The following SLC2A2 variants were observed in gnomAD, a reference collection of about 807,000 sequenced individuals.
The protein encoded by SLC2A2 is solute carrier family 2 member 2.
SLC2A2 carries 36 observed loss-of-function variants against 54.5 expected under a neutral mutation model. The ratio of observed to expected loss-of-function variants is 0.66; its 90% CI spans 0.51 to 0.87. The LOEUF is 0.87. Ranked by LOEUF, SLC2A2 falls within the 40% of genes least tolerant of loss-of-function variation. The probability of loss-of-function intolerance (pLI) is 0.00; values close to 1 mark genes in which losing one functional copy is unlikely to be tolerated. For missense variants in SLC2A2, 543 were observed against 624.3 expected, an observed-to-expected ratio of 0.87 and a Z score of 1.39; for synonymous variants, 223 against 219.1, an observed-to-expected ratio of 1.02 and a Z score of -0.16.
intron 1 of SLC2A2, among the ~76,000 whole-genome samples, chr3:171,019,069 GTGTGTGTA>G (rs1277984027): frequency 5.6e-5 from 7 of 125,560 alleles, no homozygotes; most frequent in African/African-American, 2.7e-4. Context: ...GTGTGTGTGT[GTGTGTGTA>G]TATATATATG....
chr3:171,019,129 G>GTGTATATA (rs1429300436), intron 1 of SLC2A2, among the ~76,000 whole-genome samples: 1 of 25,036 alleles, frequency 4.0e-5, no homozygotes, highest in Non-Finnish European at 6.7e-5. Context: ...ATATACGTAT[G>GTGTATATA]TATATATATA....
At chr3:171,026,618 T>C in intron 1 of SLC2A2, 38 bp downstream of exon 1, 1 of 1,597,536 alleles carries the variant, frequency 6.3e-7, no homozygotes, top group Non-Finnish European at 8.6e-7. Flanking sequence ...AACTATCTCC[T>C]GAAAACCAGA....
chr3:170,997,021 A>G lies in SLC2A2; in HGVS notation c.*882T>C. 1 of 178,454 alleles carries G rather than the reference A, an allele frequency of 5.6e-6. No homozygotes were observed. Among genetic ancestry groups the G allele is most frequent in the Non-Finnish European group, 1.2e-5 (1 of 85,826 alleles). The allele number at this position is 178,454 out of a possible 1,614,324, so 11.1% of individuals were successfully genotyped here. On this transcript the variant is annotated 3_prime_UTR_variant, in exon 11 of 11. Transcript: ENST00000314251. ...TTTGATCAAACTTATTAGGAATTTG[A>G]GGTAATATACCAAATGTCTGACTCA... is the stretch of plus-strand genomic sequence containing the variant.
intron 10 of SLC2A2, 22 bp downstream of exon 10, chr3:170,998,170 CT>C (rs755247628): frequency 1.5e-5 from 24 of 1,613,516 alleles, no homozygotes; most frequent in Non-Finnish European, 2.0e-5. Context: ...TTCAGTAAAT[CT>C]GTGGAATATT....
chr3:171,018,412 A>G (rs960631799), intron 2 of SLC2A2, 119 bp downstream of exon 2: 1 of 784,888 alleles, frequency 1.3e-6, no homozygotes. Context: ...CGTACCTGAC[A>G]GGCCAGGATG....
At chr3:171,023,538 G>A (rs1227383820) in intron 1 of SLC2A2, among the ~76,000 whole-genome samples, 2 of 152,158 alleles carry the variant, frequency 1.3e-5, no homozygotes, top group African/African-American at 4.8e-5. Flanking sequence ...ACACGACCAA[G>A]TCTTAATAAG....
rs759047405 is a variant in SLC2A2 at position 171,007,230 on chromosome 3, C to T, written c.530G>A (p.Gly177Asp). 9 of 1,612,150 alleles carry T rather than the reference C, an allele frequency of 5.6e-6. No homozygotes were observed. The highest frequency in any genetic ancestry group is 7.6e-6 in the Non-Finnish European group (9 of 1,178,778). Residue 177 changes from glycine (G) to aspartate (D), a missense_variant, in exon 5 of 11, where the codon GGT becomes GAT. By Grantham distance (94) the Gly-to-Asp change is moderately conservative (BLOSUM62 -1). Around this residue, in one of 3 missense-constraint regions of SLC2A2, gnomAD observed 318 missense variants for 343.8 expected, o/e 0.93. Coordinates refer to ENST00000314251, the MANE Select transcript of SLC2A2 (RefSeq NM_000340.2). ...CCTGAGAGCGGTTGGAGCAATTTCA[C>T]CGATATACATAGGAACCAGGCCTGA... ...LISGLVPMYI[G>D]EIAPTALRGA...
At chr3:171,018,077 C>G (rs1468252281) in intron 2 of SLC2A2, among the ~76,000 whole-genome samples, 1 of 152,060 alleles carries the variant, frequency 6.6e-6, no homozygotes, top group African/African-American at 2.4e-5. Flanking sequence ...TTGAGAGGAT[C>G]CAGCTGGGGA....
At chr3:170,998,966 T>A in intron 9 of SLC2A2, 99 bp downstream of exon 9, 1 of 806,054 alleles carries the variant, frequency 1.2e-6, no homozygotes, top group South Asian at 1.3e-5. Context: ...TAAGTCAGTC[T>A]CAAATATTTT....
In SLC2A2 at chr3:171,014,537, T is replaced by C; in HGVS notation, c.303A>G (p.Val101=). 1 of 1,614,176 alleles carries C rather than the reference T, an allele frequency of 6.2e-7. No homozygotes were observed. Among genetic ancestry groups the C allele is most frequent in the Non-Finnish European group, 8.5e-7 (1 of 1,180,014 alleles). Reference sequence around the variant, plus strand: ...TCATTCCACCAACTGCAAAGCTGGATACAGACAGGGACCAGAGCATGGTGA... The same window carrying C: ...TCATTCCACCAACTGCAAAGCTGGACACAGACAGGGACCAGAGCATGGTGA... The part of the protein sequence containing the change: ...QLITMLWSLS[V]SSFAVGGMTA... Residue 101 remains valine (V), a synonymous_variant, in exon 3 of 11, where the codon GTA becomes GTG. Transcript: ENST00000314251.
intron 1 of SLC2A2, 98 bp downstream of exon 1, chr3:171,026,558 C>T: frequency 1.0e-6 from 1 of 965,402 alleles, no homozygotes; most frequent in Non-Finnish European, 1.7e-6. Flanking sequence ...TCTGTGGTAG[C>T]TACACCCAAC....
intron 8 of SLC2A2, among the ~76,000 whole-genome samples, chr3:171,001,808 C>T (rs996530178): frequency 1.6e-4 from 20 of 127,378 alleles, no homozygotes; most frequent in Non-Finnish European, 3.3e-4. Context: ...ATATAAGAAC[C>T]ATCACTTCTT....
chr3:171,002,915 TTTTC>T (rs1233014960), intron 7 of SLC2A2, among the ~76,000 whole-genome samples: 1 of 152,046 alleles, frequency 6.6e-6, no homozygotes, highest in Non-Finnish European at 1.5e-5. Flanking sequence ...TGCTACTGCA[TTTTC>T]TTTATTTTTG....
At chr3:171,024,957 T>A (rs1306128889) in intron 1 of SLC2A2, among the ~76,000 whole-genome samples, 1 of 152,214 alleles carries the variant, frequency 6.6e-6, no homozygotes, top group African/African-American at 2.4e-5. Context: ...AAATTAATGA[T>A]AGTTTTGAAT....
intron 8 of SLC2A2, 133 bp downstream of exon 8, chr3:171,002,443 C>T (rs1715383272): frequency 2.9e-6 from 2 of 698,554 alleles, no homozygotes; most frequent in African/African-American, 1.8e-5. Flanking sequence ...CTTCTCATGA[C>T]TCACTTGGGT....
intron 4 of SLC2A2, among the ~76,000 whole-genome samples, chr3:171,009,435 A>G (rs1434305567): frequency 6.6e-6 from 1 of 152,046 alleles, no homozygotes; most frequent in African/African-American, 2.4e-5. Flanking sequence ...AGATGGGTTC[A>G]GAGTGTTAAG....
chr3:171,003,677 G>C (rs1715449074), intron 7 of SLC2A2, among the ~76,000 whole-genome samples: 1 of 151,872 alleles, frequency 6.6e-6, no homozygotes, highest in South Asian at 2.1e-4. Flanking sequence ...ATGTCTTTTA[G>C]CTATTGATTA....
At chr3:171,009,917 G>A (rs1215663760) in intron 4 of SLC2A2, 41 bp downstream of exon 4, 2 of 1,134,784 alleles carry the variant, frequency 1.8e-6, no homozygotes, top group Non-Finnish European at 2.3e-6. Context: ...AGGTAGGTGT[G>A]TGTGTGTGTG....
chr3:171,014,509 C>T lies in SLC2A2; in HGVS notation c.331G>A (p.Ala111Thr). Residue 111 changes from alanine to threonine, a missense_variant, in exon 3 of 11, where the codon GCA becomes ACA. Transcript: ENST00000314251. ...VSSFAVGGMT[A>T]SFFGGWLGDT... ...CCAAGCCACCCACCAAAGAATGATG[C>T]AGTCATTCCACCAACTGCAAAGCTG... is the stretch of plus-strand genomic sequence containing the variant. 6.2e-7 allele frequency: 1 copy of T among 1,614,070 alleles called. No homozygotes were observed. Among genetic ancestry groups the T allele is most frequent in the Non-Finnish European group, 8.5e-7 (1 of 1,179,930 alleles).
Sources: allele counts gnomAD v4.1 joint callset (sites outside exome capture counted in the v4.1 genomes callset), GRCh38; gene constraint gnomAD v4.1.1; regional missense constraint gnomAD v4.1.1; transcripts MANE v1.5; gene names NCBI Gene and HGNC (gene_info 2026-07-23, HGNC 2026-07-21).